Variants in BRCA1 observed in about 807,000 individuals in gnomAD.
BRCA1 encodes breast cancer type 1 susceptibility protein.
Under a neutral mutation model 173.7 loss-of-function variants are expected in BRCA1, and 140 were observed. That is an observed-to-expected ratio of 0.81 (90% CI 0.70 to 0.93). BRCA1 has a LOEUF of 0.93. Among genes scored for constraint, BRCA1 ranks in the 40% least tolerant of loss-of-function variants. The probability of loss-of-function intolerance (pLI) is 0.00; values close to 1 mark genes in which losing one functional copy is unlikely to be tolerated. For synonymous variants in BRCA1, 662 were observed against 756.0 expected (o/e 0.88, Z 2.04); for missense variants, 1,983 against 2,172.5 (o/e 0.91, Z 1.73).
Position 43,092,936 on chromosome 17 carries a change from C to T in BRCA1, c.2595G>A (p.Lys865=), listed in dbSNP as rs1268762258. ...QYLQNTFKVS[K]RQSFAPFSNP... ...TTGAAAACGGAGCAAATGACTGGCG[C>T]TTTGAAACCTTGAATGTATTCTGCA... The change falls in exon 10 of 23, where the codon AAG becomes AAA. Residue 865 remains lysine, a synonymous_variant. Coordinates refer to ENST00000357654, the MANE Select transcript of BRCA1 (RefSeq NM_007294.4). 2.5e-6 allele frequency: 4 copies of T among 1,613,702 alleles called. No individual in the cohort carries two copies. The highest frequency in any genetic ancestry group is 2.7e-5 in the African/African-American group (2 of 74,938).
chr17:43,147,810 G>C (rs2056133113), intron 1 of BRCA1, among the ~76,000 whole-genome samples: 1 of 103,210 alleles, frequency 9.7e-6, no homozygotes, highest in South Asian at 3.1e-4. Flanking sequence ...AAGGAGATGA[G>C]TGCCCTCTCC....
chr17:43,127,237 C>T (rs904834807), upstream of BRCA1, among the ~76,000 whole-genome samples: 1 of 152,240 alleles, frequency 6.6e-6, no homozygotes, highest in Admixed American at 6.5e-5. Flanking sequence ...GCAGGATCCA[C>T]TAGGTGAAGC....
At chr17:43,100,956 C>T (rs972893393) in intron 6 of BRCA1, among the ~76,000 whole-genome samples, 17 of 151,224 alleles carry the variant, frequency 1.1e-4, no homozygotes, top group African/African-American at 3.9e-4. Flanking sequence ...GTCTCACACT[C>T]CTGACCTCAG....
intron 1 of BRCA1, among the ~76,000 whole-genome samples, chr17:43,151,959 CTG>C (rs1392599325): frequency 6.6e-6 from 1 of 152,170 alleles, no homozygotes; most frequent in African/African-American, 2.4e-5. Flanking sequence ...GTGCCAGAGA[CTG>C]TGCTAAGCAC....
chr17:43,126,615 G>A (rs1329408633), upstream of BRCA1, among the ~76,000 whole-genome samples: 6 of 152,224 alleles, frequency 3.9e-5, no homozygotes, highest in East Asian at 3.9e-4. Flanking sequence ...CGTGTTCTGA[G>A]GGACCGAGTG....
chr17:43,165,874 A>T (rs1177405488), intron 1 of BRCA1: 3 of 151,916 alleles, frequency 2.0e-5, no homozygotes, highest in African/African-American at 7.2e-5. Context: ...CTTTAAAAAA[A>T]ATTTTAAAAA....
At chr17:43,069,445 A>G (rs1257789078) in intron 15 of BRCA1, among the ~76,000 whole-genome samples, 1 of 152,258 alleles carries the variant, frequency 6.6e-6, no homozygotes. Flanking sequence ...GCAGCTCAGA[A>G]TTGCCTTTGC....
intron 11 of BRCA1, among the ~76,000 whole-genome samples, chr17:43,088,769 T>C (rs774637480): frequency 3.3e-5 from 5 of 152,194 alleles, no homozygotes; most frequent in African/African-American, 4.8e-5. Flanking sequence ...AGAATGTGCC[T>C]ACGGCAGGTC....
chr17:43,136,611 A>G (rs2056026393), intron 1 of BRCA1, among the ~76,000 whole-genome samples: 1 of 152,264 alleles, frequency 6.6e-6, no homozygotes, highest in Non-Finnish European at 1.5e-5. Flanking sequence ...AACCCCATCA[A>G]AAAGTGGGCA....
At chr17:43,137,312 G>T (rs1355832818) in intron 1 of BRCA1, among the ~76,000 whole-genome samples, 5 of 150,804 alleles carry the variant, frequency 3.3e-5, no homozygotes, top group Admixed American at 6.6e-5. Context: ...AGCATTAGGA[G>T]ATATCCTTAA....
rs184374817 is a variant in BRCA1, at chr17:43,092,887, A to C, written c.2644T>G (p.Cys882Gly). ...CCAGAGTGGGCAGAGAATGTTGCAC[A>C]TTCCTCTTCTGCATTTCCTGGATTT... is the stretch of plus-strand genomic sequence containing the variant. The part of the protein sequence containing the change: ...FSNPGNAEEE[C>G]ATFSAHSGSL... Residue 882 changes from cysteine (C) to glycine (G), a missense_variant, in exon 10 of 23, where the codon TGT (cysteine) becomes GGT (glycine). Cys to Gly is a radical substitution (Grantham distance 159, BLOSUM62 -3). Transcript: ENST00000357654. 6.2e-7 allele frequency: 1 copy of C among 1,613,928 alleles called. No homozygotes were observed. The highest frequency in any genetic ancestry group is 1.1e-5 in the South Asian group (1 of 91,084).
intron 12 of BRCA1, among the ~76,000 whole-genome samples, chr17:43,078,012 G>C (rs535180172): frequency 1.4e-4 from 22 of 152,102 alleles, no homozygotes; most frequent in Non-Finnish European, 2.5e-4. Context: ...TGGGATTACA[G>C]GCGTGAGCCA....
chr17:43,166,726 T>C (rs1042067750), intron 1 of BRCA1: 2 of 152,032 alleles, frequency 1.3e-5, no homozygotes, highest in Non-Finnish European at 2.9e-5. Flanking sequence ...TATCCAGAAA[T>C]CCAAGCCAGG....
Position 43,095,875 on chromosome 17 carries a change from T to C in BRCA1, c.641A>G (p.Asp214Gly), listed in dbSNP as rs55680408. 5.9e-5 allele frequency: 95 copies of C among 1,613,828 alleles called. No homozygotes were observed. The highest frequency in any genetic ancestry group is 8.0e-5 in the Non-Finnish European group (94 of 1,179,920). The change falls in exon 9 of 23, where the codon GAT becomes GGT. Residue 214 changes from aspartate (D) to glycine (G), a missense_variant. Transcript: ENST00000357654. ...TTTTGCAGAATCCAAACTGATTTCA[T>C]CCCTGGTTCCTTGAGGGGTGATTTG... Reference protein sequence around the residue: ...LLQITPQGTRDEISLDSAKKA... With the variant: ...LLQITPQGTRGEISLDSAKKA...
chr17:43,076,962 A>T (rs1282568264), intron 12 of BRCA1, among the ~76,000 whole-genome samples: 1 of 152,168 alleles, frequency 6.6e-6, no homozygotes, highest in Non-Finnish European at 1.5e-5. Flanking sequence ...AGCAAAATAA[A>T]TTATGCCCAA....
intron 9 of BRCA1, 65 bp downstream of exon 9, chr17:43,095,781 A>T: frequency 7.6e-7 from 1 of 1,319,140 alleles, no homozygotes; most frequent in Non-Finnish European, 1.1e-6. Flanking sequence ...GAATAATCTA[A>T]TTACAGTACT....
chr17:43,091,361 C>A, intron 10 of BRCA1, 74 bp downstream of exon 10: 1 of 1,569,966 alleles, frequency 6.4e-7, no homozygotes, highest in Non-Finnish European at 8.8e-7. Flanking sequence ...GTAAAATGTG[C>A]TCCCCAAAAG....
chr17:43,125,413 C>A, upstream of BRCA1: 1 of 380,782 alleles, frequency 2.6e-6, no homozygotes, highest in Non-Finnish European at 5.3e-6. Flanking sequence ...AATTCCCGCG[C>A]TTTTCCGTTG....
At chr17:43,152,450 G>A (rs954517009) in intron 1 of BRCA1, among the ~76,000 whole-genome samples, 2 of 152,162 alleles carry the variant, frequency 1.3e-5, no homozygotes, top group African/African-American at 4.8e-5. Flanking sequence ...GCCGGGTGCA[G>A]TGGCTCACAC....
Sources: gnomAD v4.1 joint callset for allele counts (sites outside exome capture counted in the v4.1 genomes callset) on GRCh38, gnomAD v4.1.1 for gene constraint, MANE v1.5 for transcripts, NCBI Gene and HGNC (gene_info 2026-07-23, HGNC 2026-07-21) for gene names.